Variants in RBFOX1 observed in about 807,000 individuals in gnomAD.
RBFOX1 encodes RNA binding protein fox-1 homolog 1.
Under a neutral mutation model 57.7 loss-of-function variants are expected in RBFOX1, and 8 were observed. That is an observed-to-expected ratio of 0.14 (90% confidence interval 0.08 to 0.25). The LOEUF is 0.25. Ranked by LOEUF, RBFOX1 falls within the 10% of genes least tolerant of loss-of-function variation. The probability of loss-of-function intolerance (pLI) is 1.00; values close to 1 mark genes in which losing one functional copy is unlikely to be tolerated. For missense variants in RBFOX1, 611 were observed against 548.5 expected (o/e 1.11, Z -1.14); for synonymous variants, 326 against 222.4 (o/e 1.47, Z -4.15).
At chr16:7,158,707 C>A (rs942372534) in intron 4 of RBFOX1, among the ~76,000 whole-genome samples, 3 of 140,884 alleles carry the variant, frequency 2.1e-5, no homozygotes, top group Non-Finnish European at 4.7e-5. Flanking sequence ...TTGTGTGGTG[C>A]ATATGTGTGC....
intron 4 of RBFOX1, among the ~76,000 whole-genome samples, chr16:7,108,687 C>T (rs1567288675): frequency 6.6e-6 from 1 of 152,138 alleles, no homozygotes; most frequent in Non-Finnish European, 1.5e-5. Context: ...GCAACATCCA[C>T]CACAGTTAAA....
chr16:7,500,578 A>G (rs1185706786), intron 4 of RBFOX1, among the ~76,000 whole-genome samples: 1 of 152,302 alleles, frequency 6.6e-6, no homozygotes, highest in East Asian at 1.9e-4. Context: ...ATCTTAGGGA[A>G]CAGTTTGATG....
intron 3 of RBFOX1, among the ~76,000 whole-genome samples, chr16:5,818,908 A>AT (rs2055744740): frequency 6.6e-6 from 1 of 152,024 alleles, no homozygotes; most frequent in African/African-American, 2.4e-5. Flanking sequence ...CAAATACATC[A>AT]CCTTTGACTC....
intron 4 of RBFOX1, among the ~76,000 whole-genome samples, chr16:7,323,362 T>A (rs2096570348): frequency 6.6e-6 from 1 of 152,182 alleles, no homozygotes; most frequent in African/African-American, 2.4e-5. Context: ...AGTCGGAGGC[T>A]GCAGTGAGCT....
chr16:5,538,749 C>A (rs1158799598), intron 2 of RBFOX1, among the ~76,000 whole-genome samples: 2 of 151,902 alleles, frequency 1.3e-5, no homozygotes, highest in Non-Finnish European at 2.9e-5. Context: ...GCCTTAGACT[C>A]CCGAGTAGCT....
intron 4 of RBFOX1, among the ~76,000 whole-genome samples, chr16:7,239,435 G>A (rs1188783476): frequency 6.6e-6 from 1 of 152,162 alleles, no homozygotes; most frequent in Non-Finnish European, 1.5e-5. Flanking sequence ...GGAGCTGGAG[G>A]TTTCAGTGAG....
intron 2 of RBFOX1, among the ~76,000 whole-genome samples, chr16:5,550,981 G>A (rs1049998867): frequency 6.6e-6 from 1 of 152,162 alleles, no homozygotes; most frequent in Non-Finnish European, 1.5e-5. Context: ...GGATCCAACT[G>A]TCTTATTTCT....
intron 2 of RBFOX1, among the ~76,000 whole-genome samples, chr16:6,555,576 T>A (rs2097084216): frequency 6.6e-6 from 1 of 151,988 alleles, no homozygotes. Flanking sequence ...GGCGGGCGCC[T>A]GTAGTCCCAG....
rs370039274 is a variant in RBFOX1 at position 6,394,785 on chromosome 16, G to A, written c.-64+77728G>A. Among the ~76,000 whole-genome samples the A allele has an allele frequency of 1.1e-3, 171 of 152,162 alleles. 3 individuals are homozygous for A. The highest frequency in any genetic ancestry group is 3.3e-3 in the Admixed American group (51 of 15,280). On this transcript the variant is annotated intron_variant, in intron 2 of 15. Coordinates refer to ENST00000550418, the MANE Select transcript of RBFOX1 (RefSeq NM_018723.4). ...TTGTCTACCAAAACAGCTCAGCCAC[G>A]ATCCCCAAGGAGCCTTAATGACCCC... is the stretch of plus-strand genomic sequence containing the variant.
At chr16:5,876,491 G>C (rs956212938) in intron 4 of RBFOX1, among the ~76,000 whole-genome samples, 8 of 152,144 alleles carry the variant, frequency 5.3e-5, no homozygotes, top group Non-Finnish European at 1.0e-4. Context: ...CAGTCTCTTA[G>C]AGGCAAAGGC....
At chr16:6,971,942 C>A (rs531606091) in intron 3 of RBFOX1, among the ~76,000 whole-genome samples, 27 of 152,136 alleles carry the variant, frequency 1.8e-4, no homozygotes, top group Admixed American at 1.1e-3. Flanking sequence ...ACTTGAGATG[C>A]GGGAGAATGT....
In RBFOX1 at chr16:7,260,209, GTAAT is replaced by G. The variant is rs370623612; in HGVS notation, c.27+208115_27+208118del. ...CATTATGGAATCACATGCTTTTAGC[GTAAT>G]TAAAGTTGTTGCATATAGAACAAAT... On this transcript the variant is annotated intron_variant, in intron 4 of 15. Transcript: ENST00000550418. 1.8e-4 allele frequency among the ~76,000 whole-genome samples: 27 copies of G among 152,268 alleles called. No individual in the cohort carries two copies. The East Asian group carries it at 5.0e-3, about 28-fold the overall frequency.
chr16:5,778,796 A>G (rs1021456422), intron 3 of RBFOX1, among the ~76,000 whole-genome samples: 4 of 152,148 alleles, frequency 2.6e-5, no homozygotes, highest in Admixed American at 6.5e-5. Context: ...GCCACTGTGC[A>G]AGCTCAGATA....
chr16:7,367,882 G>GCATA (rs2097486974), intron 4 of RBFOX1, among the ~76,000 whole-genome samples: 1 of 89,200 alleles, frequency 1.1e-5, no homozygotes, highest in African/African-American at 4.7e-5. Flanking sequence ...ACACATGCGT[G>GCATA]CATACACACA....
At chr16:6,293,898 G>C (rs1567869187) in intron 1 of RBFOX1, among the ~76,000 whole-genome samples, 8 of 54,962 alleles carry the variant, frequency 1.5e-4, no homozygotes, top group South Asian at 8.2e-4. Context: ...GGGTGAGCGG[G>C]GGGGTGGTGG....
chr16:6,766,598 G>T lies in RBFOX1; in HGVS notation c.-16+111948G>T, dbSNP rs545820221. Among the ~76,000 whole-genome samples the T allele has an allele frequency of 2.0e-5, 3 of 151,796 alleles. No homozygotes were observed. In the South Asian group the frequency reaches 6.3e-4, roughly 32 times the overall value. On this transcript the variant is annotated intron_variant, in intron 3 of 15. Coordinates refer to ENST00000550418, the MANE Select transcript of RBFOX1 (RefSeq NM_018723.4). ...AATGAGGTACCTACTAGTCACATGG[G>T]ACTTGTGAGCACTCACAGTCAAGCT...
intron 2 of RBFOX1, among the ~76,000 whole-genome samples, chr16:5,508,106 C>A (rs1407812805): frequency 2.6e-5 from 4 of 152,188 alleles, no homozygotes; most frequent in Non-Finnish European, 5.9e-5. Context: ...TGCTATGGAA[C>A]AATAGTATGC....
At chr16:7,015,531 T>G (rs1346865732) in intron 3 of RBFOX1, among the ~76,000 whole-genome samples, 1 of 152,186 alleles carries the variant, frequency 6.6e-6, no homozygotes, top group Middle Eastern at 3.2e-3. Context: ...AAATCAAGCA[T>G]CAATTAATTC....
chr16:7,239,699 C>G (rs950005245), intron 4 of RBFOX1, among the ~76,000 whole-genome samples: 2 of 152,096 alleles, frequency 1.3e-5, no homozygotes, highest in South Asian at 2.1e-4. Flanking sequence ...TCTTCTGGGT[C>G]TTTGATCTAG....
Sources: gnomAD v4.1 joint callset for allele counts (sites outside exome capture counted in the v4.1 genomes callset) on GRCh38, gnomAD v4.1.1 for gene constraint, MANE v1.5 for transcripts, NCBI Gene and HGNC (gene_info 2026-07-23, HGNC 2026-07-21) for gene names.